The following AP4S1 variants were observed in gnomAD, a reference collection of about 807,000 sequenced individuals.
AP4S1 encodes the protein AP-4 complex subunit sigma-1.
In AP4S1, 23 loss-of-function variants were observed where a neutral mutation model predicts 19.8. The observed-to-expected ratio is 1.16, with a 90% CI of 0.84 to 1.65. The LOEUF is 1.65. Among genes scored for constraint, AP4S1 ranks in the 40% most tolerant of loss-of-function variants. The pLI is 0.00. For synonymous variants in AP4S1, 46 were observed against 54.1 expected, an observed-to-expected ratio of 0.85 and a Z score of 0.66; for missense variants, 166 against 172.8, an observed-to-expected ratio of 0.96 and a Z score of 0.22.
At chr14:31,084,413 T>C (rs1452879606) in intron 5 of AP4S1, among the ~76,000 whole-genome samples, 1 of 152,236 alleles carries the variant, frequency 6.6e-6, no homozygotes, top group African/African-American at 2.4e-5. Context: ...TTACTTCTAG[T>C]AAGACTGACA....
chr14:31,084,304 C>G (rs891153519), intron 5 of AP4S1, among the ~76,000 whole-genome samples: 2 of 152,166 alleles, frequency 1.3e-5, no homozygotes, highest in African/African-American at 4.8e-5. Flanking sequence ...GGCTTTTCCC[C>G]CTGATTTTTT....
chr14:31,027,749 T>G (rs1442206248), intron 1 of AP4S1, among the ~76,000 whole-genome samples: 1 of 152,242 alleles, frequency 6.6e-6, no homozygotes, highest in Non-Finnish European at 1.5e-5. Flanking sequence ...TACTTTTATG[T>G]GCTTAGTTTC....
intron 1 of AP4S1, among the ~76,000 whole-genome samples, chr14:31,045,358 A>G (rs563125010): frequency 6.6e-6 from 1 of 152,294 alleles, no homozygotes; most frequent in South Asian, 2.1e-4. Context: ...CCATACGTCA[A>G]GGGAGAGACA....
At chr14:31,043,114 G>A (rs1002546094) in intron 1 of AP4S1, among the ~76,000 whole-genome samples, 4 of 151,994 alleles carry the variant, frequency 2.6e-5, no homozygotes, top group Admixed American at 6.6e-5. Context: ...CCAGCTACTC[G>A]GGAAACTGAG....
chr14:31,079,905 G>A (rs909763864), intron 4 of AP4S1, among the ~76,000 whole-genome samples: 4 of 138,782 alleles, frequency 2.9e-5, no homozygotes, highest in African/African-American at 1.1e-4. Context: ...ATCAGTTACT[G>A]ATAACTGCTG....
intron 1 of AP4S1, among the ~76,000 whole-genome samples, chr14:31,060,724 T>G (rs544059745): frequency 6.6e-6 from 1 of 152,338 alleles, no homozygotes; most frequent in East Asian, 1.9e-4. Flanking sequence ...CCCCAGCCTC[T>G]GTATTTGCTG....
intron 1 of AP4S1, among the ~76,000 whole-genome samples, chr14:31,048,898 A>G (rs1566520032): frequency 6.6e-6 from 1 of 152,152 alleles, no homozygotes; most frequent in African/African-American, 2.4e-5. Context: ...AAATGAAAGA[A>G]ATTATTCATA....
intron 1 of AP4S1, among the ~76,000 whole-genome samples, chr14:31,063,700 G>T (rs901458626): frequency 1.3e-5 from 2 of 152,186 alleles, no homozygotes; most frequent in Non-Finnish European, 2.9e-5. Flanking sequence ...ATGCACTATA[G>T]TATCCTGGAT....
chr14:31,085,996 T>C (rs1305216921), intron 5 of AP4S1: 3 of 218,138 alleles, frequency 1.4e-5, no homozygotes, highest in African/African-American at 2.3e-5. Flanking sequence ...TGGTGCTTCC[T>C]GGAGAATGAT....
At chr14:31,070,949 G>A (rs1441354139) in intron 3 of AP4S1, among the ~76,000 whole-genome samples, 1 of 152,140 alleles carries the variant, frequency 6.6e-6, no homozygotes, top group Non-Finnish European at 1.5e-5. Context: ...CTACTCGGGA[G>A]GCTGAGGCAG....
chr14:31,084,897 G>A (rs745936731), intron 5 of AP4S1: 3 of 1,614,106 alleles, frequency 1.9e-6, no homozygotes, highest in South Asian at 2.2e-5. Flanking sequence ...CCAGGGGAGG[G>A]CACCAATGAA....
At chr14:31,055,941 T>C (rs2139520590) in intron 1 of AP4S1, among the ~76,000 whole-genome samples, 1 of 151,440 alleles carries the variant, frequency 6.6e-6, no homozygotes, top group East Asian at 2.0e-4. Flanking sequence ...CCTCCTGGGT[T>C]CAAGCGATTC....
At chr14:31,053,725 A>G (rs1885946928) in intron 1 of AP4S1, among the ~76,000 whole-genome samples, 1 of 147,038 alleles carries the variant, frequency 6.8e-6, no homozygotes, top group Admixed American at 7.2e-5. Flanking sequence ...ATGAGCTACC[A>G]TGTCTGGCCT....
intron 2 of AP4S1, among the ~76,000 whole-genome samples, chr14:31,069,631 CT>C (rs1364914723): frequency 6.6e-6 from 1 of 152,206 alleles, no homozygotes; most frequent in Admixed American, 6.5e-5. Flanking sequence ...AACCCTCAGA[CT>C]TTTTTCCAAT....
chr14:31,079,320 G>A (rs2139093715), intron 4 of AP4S1, among the ~76,000 whole-genome samples: 1 of 152,200 alleles, frequency 6.6e-6, no homozygotes, highest in South Asian at 2.1e-4. Context: ...TTATGCATTT[G>A]TCTAAACCCA....
chr14:31,068,752 A>T (rs901535715), intron 2 of AP4S1, among the ~76,000 whole-genome samples: 1 of 152,218 alleles, frequency 6.6e-6, no homozygotes, highest in Non-Finnish European at 1.5e-5. Context: ...CTTTTGGCAT[A>T]ATCAGGCACC....
At chr14:31,060,643 A>C (rs1453283845) in intron 1 of AP4S1, among the ~76,000 whole-genome samples, 1 of 152,184 alleles carries the variant, frequency 6.6e-6, no homozygotes, top group African/African-American at 2.4e-5. Flanking sequence ...AGAAAAAAAT[A>C]CTTGCTGGTT....
intron 1 of AP4S1, among the ~76,000 whole-genome samples, chr14:31,049,428 AATAT>A (rs1182207910): frequency 2.6e-3 from 151 of 57,720 alleles, no homozygotes; most frequent in Middle Eastern, 0.018. Context: ...AAAAAAAAAA[AATAT>A]ATATATATAT....
At chr14:31,089,854 G>A (rs1888028642) in intron 5 of AP4S1, among the ~76,000 whole-genome samples, 1 of 152,114 alleles carries the variant, frequency 6.6e-6, no homozygotes, top group Non-Finnish European at 1.5e-5. Flanking sequence ...AGGAGATGGA[G>A]GTTACAGTGA....
Sources: gnomAD v4.1 joint callset for allele counts (sites outside exome capture counted in the v4.1 genomes callset) on GRCh38, gnomAD v4.1.1 for gene constraint, MANE v1.5 for transcripts, NCBI Gene and HGNC (gene_info 2026-07-23, HGNC 2026-07-21) for gene names.